Variants in VIRMA observed in about 807,000 individuals in gnomAD.
The protein encoded by VIRMA is vir like m6A methyltransferase associated, also known as protein virilizer homolog.
VIRMA carries 65 observed loss-of-function variants against 182.4 expected under a neutral mutation model. The observed-to-expected ratio is 0.36, with a 90% confidence interval of 0.29 to 0.44. The LOEUF (loss-of-function observed/expected upper bound fraction) is 0.44. VIRMA is among the 20% of genes least tolerant of loss of function. VIRMA has a pLI of 1.00. For synonymous variants in VIRMA, 709 were observed against 743.1 expected (o/e 0.95, Z 0.75); for missense variants, 1,752 against 2,158.1 (o/e 0.81, Z 3.73).
chr8:94,496,339 T>A lies in VIRMA; in HGVS notation c.4372A>T (p.Lys1458Ter). 6.2e-7 allele frequency: 1 copy of A among 1,610,502 alleles called. No homozygotes were observed. The highest frequency in any genetic ancestry group is 8.5e-7 in the Non-Finnish European group (1 of 1,179,178). ...SPENLFLELE[K>*]LVLEHSKDDD... is the part of the protein sequence containing the mutation. ...TTTTTCTTTTTTACCAAAACAAGCT[T>A]CTCTAGTTCAAGGAACAAATTTTCT... The change falls in exon 18 of 24, where the codon AAG becomes TAG. Residue 1458 changes from lysine (K) to a stop codon, truncating the protein, a stop_gained. Transcript: ENST00000297591. LOFTEE classifies it high-confidence loss of function.
At chr8:94,541,124 ATTACTTTTTTTTTT>A in intron 2 of VIRMA, among the ~76,000 whole-genome samples, 1 of 148,550 alleles carries the variant, frequency 6.7e-6, no homozygotes, top group African/African-American at 2.6e-5. Context: ...TATTATTGTT[ATTACTTTTTTTTTT>A]TTTGAAACAG....
chr8:94,524,608 G>A (rs1814895045), intron 8 of VIRMA, among the ~76,000 whole-genome samples: 1 of 151,976 alleles, frequency 6.6e-6, no homozygotes, highest in African/African-American at 2.4e-5. Flanking sequence ...CCCGGCTCTA[G>A]TTTTTTATTT....
At chr8:94,522,979 C>A (rs1814826195) in intron 8 of VIRMA, among the ~76,000 whole-genome samples, 1 of 152,070 alleles carries the variant, frequency 6.6e-6, no homozygotes, top group Non-Finnish European at 1.5e-5. Context: ...CCAAATATAC[C>A]TCCTCCATAT....
intron 2 of VIRMA, among the ~76,000 whole-genome samples, chr8:94,541,259 C>T (rs560889377): frequency 7.3e-5 from 11 of 151,724 alleles, no homozygotes; most frequent in Non-Finnish European, 1.3e-4. Flanking sequence ...GCAGCGAGGA[C>T]TACAGGCATG....
At position 94,501,098 on chromosome 8, in the gene VIRMA, T is replaced by C. The variant is rs947579995; in HGVS notation, c.4098-1592A>G. On this transcript the variant is annotated intron_variant, in intron 16 of 23. Transcript: ENST00000297591. ...GTCTCCACTAAAAAAACAAAATATA[T>C]ACAAAAAATTAGCCAGGCATGGTGG... is the stretch of plus-strand genomic sequence containing the variant. Among the ~76,000 whole-genome samples the C allele has an allele frequency of 3.3e-5, 5 of 150,436 alleles. No homozygotes were observed. In the South Asian group the frequency reaches 8.4e-4, roughly 25 times the overall value.
At position 94,487,758 on chromosome 8, in the gene VIRMA, G is replaced by A. The variant is rs915126699; in HGVS notation, c.*948C>T. Reference sequence around the variant, plus strand: ...CTCAGTGTGTTAAGACGTATCTTGGGGAAAATATGGCTACTTTCTCAAAGT... The same window carrying A: ...CTCAGTGTGTTAAGACGTATCTTGGAGAAAATATGGCTACTTTCTCAAAGT... On this transcript the variant is annotated 3_prime_UTR_variant, in exon 24 of 24. Transcript: ENST00000297591. The A allele has an allele frequency of 6.6e-6, 1 of 152,070 alleles. No individual in the cohort carries two copies. Among genetic ancestry groups the A allele is most frequent in the Non-Finnish European group, 1.5e-5 (1 of 68,018 alleles). 9.4% of individuals were successfully genotyped at this position (152,070 alleles called of 1,614,324 possible).
rs1813524579 is a variant in VIRMA at position 94,488,716 on chromosome 8, A to T, written c.5429T>A (p.Phe1810Tyr). 1 of 1,613,984 alleles carries T rather than the reference A, an allele frequency of 6.2e-7. No homozygotes were observed. Among genetic ancestry groups the T allele is most frequent in the Non-Finnish European group, 8.5e-7 (1 of 1,180,000 alleles). Residue 1810 changes from phenylalanine (F) to tyrosine (Y), a missense_variant, in exon 24 of 24, where the codon TTT becomes TAT. Physicochemically the swap from Phe to Tyr is conservative, Grantham distance 22. Transcript: ENST00000297591. Reference sequence around the variant, plus strand: ...TTCCCAAAAGGATTTTTATCGTGTAAAGGAGCGTACATGACGACCTCTACC... The same window carrying T: ...TTCCCAAAAGGATTTTTATCGTGTATAGGAGCGTACATGACGACCTCTACC... ...GSGRGRHVRS[F>Y]TR
At chr8:94,518,743 T>A (rs1814649549) in intron 9 of VIRMA, among the ~76,000 whole-genome samples, 1 of 152,214 alleles carries the variant, frequency 6.6e-6, no homozygotes. Flanking sequence ...GTACTACAGT[T>A]GCAATCTTTA....
rs756614122 is a variant in VIRMA at position 94,527,029 on chromosome 8, T to C, written c.1215A>G (p.Glu405=). ...CTTTTATTATTAAACTTGGAATTTC[T>C]TCTAAAGCTGTTACCCATTTTGCAC... is the stretch of plus-strand genomic sequence containing the variant. The part of the protein sequence containing the change: ...DRGAKWVTAL[E]EIPSLIIKGL... The change falls in exon 8 of 24, where the codon GAA becomes GAG. Residue 405 remains glutamate, a synonymous_variant. Coordinates refer to ENST00000297591, the MANE Select transcript of VIRMA (RefSeq NM_015496.5). The C allele has an allele frequency of 6.2e-7, 1 of 1,614,194 alleles. No homozygotes were observed. The highest frequency in any genetic ancestry group is 1.1e-5 in the South Asian group (1 of 91,084).
chr8:94,523,571 A>C (rs1586091850), intron 8 of VIRMA, among the ~76,000 whole-genome samples: 2 of 150,396 alleles, frequency 1.3e-5, no homozygotes, highest in Non-Finnish European at 3.0e-5. Context: ...TACCATTCCC[A>C]GCTATTTTTT....
intron 1 of VIRMA, chr8:94,547,050 C>A (rs1159557933): frequency 2.2e-6 from 1 of 454,948 alleles, no homozygotes; most frequent in Non-Finnish European, 4.4e-6. Context: ...GAAAGCTGAG[C>A]CAGATCAAAT....
chr8:94,511,050 T>C, intron 13 of VIRMA, 135 bp downstream of exon 13: 1 of 1,430,548 alleles, frequency 7.0e-7, no homozygotes, highest in Non-Finnish European at 9.1e-7. Flanking sequence ...CAGTTTTATC[T>C]CCCCCTCATC....
intron 1 of VIRMA, among the ~76,000 whole-genome samples, chr8:94,549,044 C>A (rs950062737): frequency 6.6e-6 from 1 of 152,200 alleles, no homozygotes; most frequent in Non-Finnish European, 1.5e-5. Flanking sequence ...ACACATGCCA[C>A]CACACCTGGC....
intron 2 of VIRMA, among the ~76,000 whole-genome samples, 173 bp downstream of exon 2, chr8:94,543,654 G>T (rs1046196805): frequency 2.0e-5 from 3 of 151,832 alleles, no homozygotes; most frequent in African/African-American, 7.3e-5. Flanking sequence ...GGTTTAAGAT[G>T]ATATATGCAT....
intron 5 of VIRMA, 75 bp downstream of exon 5, chr8:94,534,762 AGT>A: frequency 2.6e-6 from 4 of 1,526,892 alleles, no homozygotes; most frequent in Non-Finnish European, 3.6e-6. Flanking sequence ...AAGGTAAAAG[AGT>A]GCTCTTCGAA....
intron 10 of VIRMA, among the ~76,000 whole-genome samples, chr8:94,517,227 G>A (rs78271121): frequency 0.013 from 1,919 of 152,202 alleles, 37 homozygotes; most frequent in Admixed American, 0.042. Context: ...TTTTGAGATG[G>A]AGTCTTGCTC....
chr8:94,535,630 A>G (rs1484974593), intron 4 of VIRMA, among the ~76,000 whole-genome samples: 1 of 152,132 alleles, frequency 6.6e-6, no homozygotes, highest in Admixed American at 6.5e-5. Flanking sequence ...TAAAATTACA[A>G]AAATTAGCCA....
At chr8:94,516,831 CA>C (rs1563467324) in intron 10 of VIRMA, among the ~76,000 whole-genome samples, 2 of 152,122 alleles carry the variant, frequency 1.3e-5, no homozygotes, top group African/African-American at 4.8e-5. Context: ...GGAGCTATCA[CA>C]AGTAAAATTT....
chr8:94,528,336 T>C (rs3098718), intron 7 of VIRMA, among the ~76,000 whole-genome samples: 93,786 of 151,424 alleles, frequency 0.62, 29,417 homozygotes, highest in East Asian at 0.81. Flanking sequence ...TGATAATCTG[T>C]GAATGGGGAA....
Sources: allele counts gnomAD v4.1 joint callset (sites outside exome capture counted in the v4.1 genomes callset), GRCh38; gene constraint gnomAD v4.1.1; transcripts MANE v1.5; gene names NCBI Gene and HGNC (gene_info 2026-07-23, HGNC 2026-07-21).